Variants in GATM observed in about 807,000 individuals in gnomAD.
GATM encodes glycine amidinotransferase.
In GATM, 23 loss-of-function variants were observed where a neutral mutation model predicts 54.2. That is an observed-to-expected ratio of 0.42 (90% confidence interval 0.31 to 0.60). GATM has a LOEUF of 0.60. GATM is among the 20% of genes least tolerant of loss of function. The pLI is 0.14. For synonymous variants in GATM, 168 were observed against 183.1 expected, an observed-to-expected ratio of 0.92 and a Z score of 0.67; for missense variants, 401 against 544.9, an observed-to-expected ratio of 0.74 and a Z score of 2.63.
chr15:45,364,512 G>T, intron 7 of GATM: 1 of 372,804 alleles, frequency 2.7e-6, no homozygotes, highest in Non-Finnish European at 4.9e-6. Context: ...TCAAGCCTGG[G>T]TGACAAAGCA....
chr15:45,376,568 G>A (rs768844434), intron 2 of GATM, 33 bp downstream of exon 2: 7 of 1,574,492 alleles, frequency 4.4e-6, no homozygotes, highest in Non-Finnish European at 6.1e-6. Flanking sequence ...AGGAGGGAGC[G>A]CACTTTCAGA....
chr15:45,374,328 G>A (rs1473589576), intron 2 of GATM, among the ~76,000 whole-genome samples: 6 of 152,168 alleles, frequency 3.9e-5, no homozygotes, highest in South Asian at 2.1e-4. Context: ...TTACCTCTGA[G>A]AATTCTGATT....
At position 45,378,415 on chromosome 15, in the gene GATM, G is replaced by A; in HGVS notation, c.39C>T (p.Gly13=). The A allele has an allele frequency of 6.7e-7, 1 of 1,503,738 alleles. No individual in the cohort carries two copies. Among genetic ancestry groups the A allele is most frequent in the Non-Finnish European group, 8.8e-7 (1 of 1,133,150 alleles). 93.1% of individuals were successfully genotyped at this position (1,503,738 alleles called of 1,614,324 possible). ...RVRCLRGGSR[G]AEAVHYIGSR... ...ATCCGATGTAGTGCACCGCCTCGGC[G>A]CCGCGGCTCCCGCCGCGCAGACACC... Residue 13 remains glycine (G), a synonymous_variant, in exon 1 of 9, where the codon GGC becomes GGT. Transcript: ENST00000396659.
intron 2 of GATM, among the ~76,000 whole-genome samples, chr15:45,370,557 T>A (rs1489247475): frequency 6.6e-6 from 1 of 152,122 alleles, no homozygotes; most frequent in Non-Finnish European, 1.5e-5. Context: ...AGCTCTCACA[T>A]CTCTTCAAGT....
At chr15:45,387,347 A>G (rs909785510) in intron 3 of GATM, among the ~76,000 whole-genome samples, 4 of 152,212 alleles carry the variant, frequency 2.6e-5, no homozygotes, top group Non-Finnish European at 5.9e-5. Context: ...TAATTCCCAG[A>G]TATTTACAAA....
intron 1 of GATM, among the ~76,000 whole-genome samples, chr15:45,400,630 T>C (rs1283948547): frequency 6.6e-6 from 1 of 152,250 alleles, no homozygotes; most frequent in Non-Finnish European, 1.5e-5. Flanking sequence ...CCTAATAGCA[T>C]AGTTTGTGCC....
chr15:45,367,169 C>T (rs758341733), intron 4 of GATM, among the ~76,000 whole-genome samples: 9 of 151,960 alleles, frequency 5.9e-5, no homozygotes, highest in Non-Finnish European at 1.2e-4. Context: ...GGTGAAACCC[C>T]GTTTCTACTA....
chr15:45,402,226 G>A (rs1733007853), upstream of GATM: 12 of 670,630 alleles, frequency 1.8e-5, no homozygotes, highest in East Asian at 3.7e-4. Flanking sequence ...TTTCACGAAA[G>A]CGGACACCAA....
chr15:45,395,358 T>C (rs562949606), intron 3 of GATM, among the ~76,000 whole-genome samples: 1 of 152,330 alleles, frequency 6.6e-6, no homozygotes, highest in Non-Finnish European at 1.5e-5. Flanking sequence ...CAATTTTTTT[T>C]AGATTTTTCA....
chr15:45,368,362 A>G lies in GATM; in HGVS notation c.485-102T>C, dbSNP rs1889483564. On this transcript the variant is annotated intron_variant, in intron 3 of 8. Coordinates refer to ENST00000396659, the MANE Select transcript of GATM (RefSeq NM_001482.3). The surrounding 1 kb of genome is among the most constrained non-coding windows in gnomAD (Gnocchi z 5.1). ...CACAGTGGCTCATGCCTGTAATCCCACCACTTTGGGAGGCCAAGACGGGCG... is the reference window on the plus strand; with the variant it reads ...CACAGTGGCTCATGCCTGTAATCCCGCCACTTTGGGAGGCCAAGACGGGCG... 3.0e-6 allele frequency: 3 copies of G among 1,015,508 alleles called. No homozygotes were observed. The East Asian group carries it at 7.5e-5, about 26-fold the overall frequency. 62.9% of individuals were successfully genotyped at this position (1,015,508 alleles called of 1,614,324 possible). A position where few individuals can be genotyped will look rare whatever the true frequency, so the allele number is the denominator to read the frequency against.
upstream of GATM, chr15:45,380,094 A>G (rs1889717046): frequency 7.7e-6 from 1 of 130,718 alleles, no homozygotes; most frequent in African/African-American, 2.9e-5. Flanking sequence ...ACTGCACTCC[A>G]GCCTGGGCGA....
chr15:45,389,688 C>T lies in GATM; in HGVS notation c.-319+7234G>A, dbSNP rs117181323. On this transcript the variant is annotated intron_variant, in intron 3 of 4. Coordinates refer to the GATM transcript ENST00000561148. The stretch of plus-strand genomic sequence containing the variant: ...CTTGTTTTTAACTTAAGGTTTGTAT[C>T]TTGGAGTAGTGGTACAGAAAGTCTC... Among the ~76,000 whole-genome samples, 13 of 152,218 alleles carry T rather than the reference C, an allele frequency of 8.5e-5. No homozygotes were observed. In the East Asian group the frequency reaches 2.5e-3, roughly 29 times the overall value.
At chr15:45,382,647 G>A (rs1421151169), upstream of GATM, among the ~76,000 whole-genome samples, 1 of 151,782 alleles carries the variant, frequency 6.6e-6, no homozygotes, top group Non-Finnish European at 1.5e-5. Flanking sequence ...ACAAAAATTA[G>A]CCAGGCGTGT....
chr15:45,377,130 A>G, intron 1 of GATM: 1 of 469,328 alleles, frequency 2.1e-6, no homozygotes, highest in Admixed American at 2.7e-5. Context: ...CCTGCACTCA[A>G]GCTTTAAGCA....
At chr15:45,369,088 T>C (rs948213692) in intron 3 of GATM, among the ~76,000 whole-genome samples, 13 of 152,220 alleles carry the variant, frequency 8.5e-5, no homozygotes, top group African/African-American at 3.1e-4. Flanking sequence ...GAAATGGCTA[T>C]AAAGTTTAGG....
chr15:45,363,887 T>C lies in GATM; in HGVS notation c.1159+13A>G. Reference sequence around the variant, plus strand: ...TTTCATGTATGACAACATGTTTCATTTGTTGTACATACCCAGCTTTTCAAA... The same window carrying C: ...TTTCATGTATGACAACATGTTTCATCTGTTGTACATACCCAGCTTTTCAAA... On this transcript the variant is annotated intron_variant, in intron 8 of 8. Transcript: ENST00000396659. The C allele has an allele frequency of 6.9e-7, 1 of 1,446,420 alleles. No homozygotes were observed. The highest frequency in any genetic ancestry group is 1.1e-5 in the South Asian group (1 of 87,502). The allele number at this position is 1,446,420 out of a possible 1,614,324, so 89.6% of individuals were successfully genotyped here. A position where few individuals can be genotyped will look rare whatever the true frequency, so the allele number is the denominator to read the frequency against.
intron 3 of GATM, among the ~76,000 whole-genome samples, chr15:45,393,104 T>C (rs1889889531): frequency 6.6e-6 from 1 of 152,200 alleles, no homozygotes; most frequent in South Asian, 2.1e-4. Context: ...ATATAGCAAA[T>C]GGTAGGAGCT....
At chr15:45,388,876 A>G (rs552626653) in intron 3 of GATM, among the ~76,000 whole-genome samples, 1 of 152,008 alleles carries the variant, frequency 6.6e-6, no homozygotes, top group Non-Finnish European at 1.5e-5. Context: ...TCCGAGACCA[A>G]CTCCCCTGGA....
Position 45,366,956 on chromosome 15 carries a change from G to A in GATM, c.676-448C>T, listed in dbSNP as rs141984172. ...ATCATAGGTATGTATATATGTACAG[G>A]AAAAAACAAAATATATAGAGTTCAG... On this transcript the variant is annotated intron_variant, in intron 4 of 8. Transcript: ENST00000396659. Among the ~76,000 whole-genome samples the A allele has an allele frequency of 5.7e-3, 869 of 152,162 alleles. 4 individuals carry two copies. The highest frequency in any genetic ancestry group is 9.2e-3 in the Non-Finnish European group (627 of 67,978).
Sources: allele counts gnomAD v4.1 joint callset (sites outside exome capture counted in the v4.1 genomes callset), GRCh38; gene constraint gnomAD v4.1.1; non-coding constraint Gnocchi (gnomAD v3.1); transcripts MANE v1.5; gene names NCBI Gene and HGNC (gene_info 2026-07-23, HGNC 2026-07-21).